LRBA: variants seen among roughly 807,000 people sequenced by gnomAD.
LRBA encodes LPS responsive beige-like anchor protein, also known as lipopolysaccharide-responsive and beige-like anchor protein.
In LRBA, 176 loss-of-function variants were observed where a neutral mutation model predicts 330.0. That is an observed-to-expected ratio of 0.53 (90% CI 0.47 to 0.60). LRBA has a LOEUF of 0.60. Ranked by LOEUF, LRBA falls within the 20% of genes least tolerant of loss-of-function variation. LRBA has a pLI of 0.00. For missense variants in LRBA, 3,259 were observed against 3,444.8 expected (o/e 0.95, Z 1.35); for synonymous variants, 1,230 against 1,193.0 (o/e 1.03, Z -0.64).
chr4:150,822,546 C>T (rs1272966706), intron 30 of LRBA, among the ~76,000 whole-genome samples: 1 of 152,132 alleles, frequency 6.6e-6, no homozygotes. Flanking sequence ...GCAGCAGGAT[C>T]GCTTGAGGTC....
chr4:151,003,885 C>CTGTGTGTGTGTG (rs56025404), intron 2 of LRBA, among the ~76,000 whole-genome samples: 32 of 134,198 alleles, frequency 2.4e-4, no homozygotes, highest in Admixed American at 1.7e-3. Flanking sequence ...TAGCCAACTG[C>CTGTGTGTGTGTG]TGTGTGTGTG....
rs766426605 is a variant in LRBA at position 150,868,224 on chromosome 4, G to A, written c.2531C>T (p.Ser844Phe). 2 of 1,612,658 alleles carry A rather than the reference G, an allele frequency of 1.2e-6. No individual in the cohort carries two copies. The highest frequency in any genetic ancestry group is 2.7e-5 in the African/African-American group (2 of 74,878). ...ESMEVRRAFL[S>F]DMIKLFNNSR... ...GTTATTAAAAAGTTTAATCATGTCA[G>A]AAAGAAAGGCTCTGCGAACCTCCAT... The change falls in exon 21 of 57, where the codon TCT becomes TTT. Residue 844 changes from serine (S) to phenylalanine (F), a missense_variant. Physicochemically the swap from Ser to Phe is radical, Grantham distance 155. Coordinates refer to ENST00000651943, the MANE Select transcript of LRBA (RefSeq NM_001364905.1).
At chr4:150,787,848 G>A (rs1014111886) in intron 34 of LRBA, among the ~76,000 whole-genome samples, 1 of 152,052 alleles carries the variant, frequency 6.6e-6, no homozygotes, top group African/African-American at 2.4e-5. Flanking sequence ...CTATCTCTGA[G>A]TTCAACTGTT....
At chr4:150,462,338 T>C (rs1022455513) in intron 44 of LRBA, among the ~76,000 whole-genome samples, 42 of 151,768 alleles carry the variant, frequency 2.8e-4, no homozygotes, top group Non-Finnish European at 4.4e-5. Flanking sequence ...TGAGGACTTT[T>C]GCAATACAAG....
intron 40 of LRBA, among the ~76,000 whole-genome samples, chr4:150,504,981 G>A (rs1760850260): frequency 6.6e-6 from 1 of 152,098 alleles, no homozygotes; most frequent in African/African-American, 2.4e-5. Context: ...GACAAAGAAG[G>A]CCATTACATA....
At chr4:150,275,946 T>C (rs1746708089) in intron 56 of LRBA, among the ~76,000 whole-genome samples, 2 of 152,180 alleles carry the variant, frequency 1.3e-5, no homozygotes. Context: ...AAATTTCATA[T>C]GGAACCAAAA....
chr4:150,975,853 C>T (rs1238237517), intron 2 of LRBA, among the ~76,000 whole-genome samples: 2 of 151,926 alleles, frequency 1.3e-5, no homozygotes, highest in Admixed American at 1.3e-4. Context: ...ACATACATGT[C>T]ACTGGAGTTC....
intron 55 of LRBA, among the ~76,000 whole-genome samples, chr4:150,280,863 T>G (rs1393157347): frequency 6.6e-6 from 1 of 152,214 alleles, no homozygotes; most frequent in Non-Finnish European, 1.5e-5. Context: ...ATTGCTCATT[T>G]TAGGCAAGCT....
chr4:150,501,977 G>A (rs1042816511), intron 40 of LRBA, among the ~76,000 whole-genome samples: 2 of 152,192 alleles, frequency 1.3e-5, no homozygotes, highest in African/African-American at 2.4e-5. Context: ...TAGTTAGAAC[G>A]TAATGGTCTC....
intron 47 of LRBA, among the ~76,000 whole-genome samples, chr4:150,413,931 G>T (rs1211959019): frequency 1.4e-5 from 2 of 139,506 alleles, no homozygotes; most frequent in Non-Finnish European, 3.1e-5. Context: ...ATTTCCTTCA[G>T]TATCTTTCAG....
intron 36 of LRBA, among the ~76,000 whole-genome samples, chr4:150,726,534 G>T (rs1729699057): frequency 6.6e-6 from 1 of 152,142 alleles, no homozygotes; most frequent in Admixed American, 6.5e-5. Context: ...AAAGGAAAGA[G>T]GTTTAATTGA....
intron 31 of LRBA, among the ~76,000 whole-genome samples, chr4:150,810,934 A>G (rs562011826): frequency 7.6e-4 from 116 of 152,292 alleles, no homozygotes; most frequent in South Asian, 1.5e-3. Flanking sequence ...ATAAATATCA[A>G]TTCACATTTC....
chr4:150,503,898 G>C (rs1249365224), intron 40 of LRBA, among the ~76,000 whole-genome samples: 1 of 152,190 alleles, frequency 6.6e-6, no homozygotes, highest in Admixed American at 6.5e-5. Flanking sequence ...AGTCCTTAAA[G>C]GACCTGATGG....
At chr4:150,829,435 C>G (rs1746821923) in intron 29 of LRBA, among the ~76,000 whole-genome samples, 1 of 152,262 alleles carries the variant, frequency 6.6e-6, no homozygotes, top group South Asian at 2.1e-4. Flanking sequence ...CAAAAATAGT[C>G]TTATCAAGGT....
chr4:150,374,889 G>A (rs183003856), intron 47 of LRBA, among the ~76,000 whole-genome samples: 1 of 152,298 alleles, frequency 6.6e-6, no homozygotes. Context: ...AGCTTAGCCT[G>A]AACCATAACT....
At chr4:150,507,531 G>A (rs1313224090) in intron 40 of LRBA, among the ~76,000 whole-genome samples, 6 of 152,004 alleles carry the variant, frequency 3.9e-5, no homozygotes, top group African/African-American at 7.2e-5. Context: ...CCATATGTAG[G>A]AAGCTGAAAC....
intron 2 of LRBA, chr4:151,012,666 T>A (rs1744984462): frequency 6.6e-6 from 1 of 152,222 alleles, no homozygotes; most frequent in Admixed American, 6.5e-5. Flanking sequence ...TATTTTTGCA[T>A]ATATTTGAAC....
chr4:150,690,760 C>A (rs1784058996), intron 36 of LRBA, among the ~76,000 whole-genome samples: 2 of 151,538 alleles, frequency 1.3e-5, no homozygotes, highest in South Asian at 4.2e-4. Flanking sequence ...GGATATAAAT[C>A]TAGAAGTTAA....
chr4:150,934,540 C>T (rs971256302), intron 2 of LRBA, among the ~76,000 whole-genome samples: 1 of 152,176 alleles, frequency 6.6e-6, no homozygotes, highest in Non-Finnish European at 1.5e-5. Flanking sequence ...TGCAGGAACA[C>T]TGTGTCTTAT....
Sources: allele counts gnomAD v4.1 joint callset (sites outside exome capture counted in the v4.1 genomes callset), GRCh38; gene constraint gnomAD v4.1.1; transcripts MANE v1.5; gene names NCBI Gene and HGNC (gene_info 2026-07-23, HGNC 2026-07-21).